ELK3: variants seen among roughly 807,000 people sequenced by gnomAD.
ELK3 encodes the protein ETS transcription factor ELK3.
In ELK3, 10 loss-of-function variants were observed where a neutral mutation model predicts 28.9. The observed-to-expected ratio is 0.35, with a 90% CI of 0.21 to 0.59. ELK3 has a LOEUF of 0.59. Among genes scored for constraint, ELK3 ranks in the 20% least tolerant of loss-of-function variants. The probability of loss-of-function intolerance (pLI) is 0.82; values close to 1 mark genes in which losing one functional copy is unlikely to be tolerated. For synonymous variants in ELK3, 272 were observed against 243.5 expected (o/e 1.12, Z -1.09); for missense variants, 463 against 517.3 (o/e 0.90, Z 1.02).
At chr12:96,213,329 C>A (rs2111989) in intron 1 of ELK3, among the ~76,000 whole-genome samples, 138,172 of 152,198 alleles carry the variant, frequency 0.91, 62,785 homozygotes, top group East Asian at 1. Flanking sequence ...CAAACTCTAT[C>A]CCAGGAATCT....
intron 2 of ELK3, 58 bp downstream of exon 2, chr12:96,223,831 G>A: frequency 6.5e-7 from 1 of 1,529,188 alleles, no homozygotes; most frequent in Non-Finnish European, 9.0e-7. Context: ...CCTCTGCGTA[G>A]TTCACTGATG....
chr12:96,230,977 C>T (rs138717033), intron 2 of ELK3, among the ~76,000 whole-genome samples: 312 of 152,262 alleles, frequency 2.0e-3, no homozygotes, highest in African/African-American at 7.1e-3. Flanking sequence ...TTTTGCAACC[C>T]GGGTATGGAT....
At chr12:96,226,579 C>T (rs1951702631) in intron 2 of ELK3, among the ~76,000 whole-genome samples, 1 of 152,062 alleles carries the variant, frequency 6.6e-6, no homozygotes, top group Non-Finnish European at 1.5e-5. Flanking sequence ...CACATGCACA[C>T]ACAGATGTCC....
rs745607623 is a variant in ELK3, at chr12:96,247,037, G to T, written c.305G>T (p.Arg102Leu). Residue 102 changes from arginine (R) to leucine (L), a missense_variant, in exon 3 of 5, where the codon CGG becomes CTG. Arg to Leu is a moderately radical substitution (Grantham distance 102). Around this residue, in one of 2 missense-constraint regions of ELK3, gnomAD observed 408 missense variants for 414.8 expected, o/e 0.98. Coordinates refer to ENST00000228741, the MANE Select transcript of ELK3 (RefSeq NM_005230.4). This position sits in a 1 kb window ranked among gnomAD's most constrained non-coding sequence, Gnocchi z 5.5. ...GATCCTCACGCGGTGGAGATCAGCC[G>T]GGAGAGCCTTCTGCTGCAGGACAGC... The part of the protein sequence containing the change: ...KMDPHAVEIS[R>L]ESLLLQDSDC... 3.1e-6 allele frequency: 5 copies of T among 1,614,014 alleles called. No individual in the cohort carries two copies. The Admixed American group carries it at 8.3e-5, about 27-fold the overall frequency.
intron 1 of ELK3, among the ~76,000 whole-genome samples, chr12:96,211,687 A>G (rs962945007): frequency 5.9e-5 from 9 of 152,190 alleles, no homozygotes; most frequent in African/African-American, 1.9e-4. Flanking sequence ...ATTTATAATG[A>G]AATATGATTG....
At chr12:96,197,079 T>A (rs1357038607) in intron 1 of ELK3, among the ~76,000 whole-genome samples, 2 of 152,170 alleles carry the variant, frequency 1.3e-5, no homozygotes, top group African/African-American at 4.8e-5. Flanking sequence ...CGAGATCTCA[T>A]ACATTTTGCA....
chr12:96,224,220 T>C (rs1951683207), intron 2 of ELK3, among the ~76,000 whole-genome samples: 1 of 152,198 alleles, frequency 6.6e-6, no homozygotes, highest in Non-Finnish European at 1.5e-5. Context: ...TATCCTCGTT[T>C]ATAAAACAGG....
chr12:96,227,263 C>T (rs1951709490), intron 2 of ELK3, among the ~76,000 whole-genome samples: 1 of 152,006 alleles, frequency 6.6e-6, no homozygotes, highest in African/African-American at 2.4e-5. Flanking sequence ...TCCTCCTCTT[C>T]CTCACTAACA....
intron 2 of ELK3, among the ~76,000 whole-genome samples, chr12:96,232,306 C>T (rs890925455): frequency 2.0e-5 from 3 of 152,162 alleles, no homozygotes; most frequent in Non-Finnish European, 4.4e-5. Flanking sequence ...TGCGGTGGCT[C>T]ACGCCTGCAA....
At chr12:96,197,351 AATG>A (rs1951478232) in intron 1 of ELK3, among the ~76,000 whole-genome samples, 1 of 152,206 alleles carries the variant, frequency 6.6e-6, no homozygotes, top group Non-Finnish European at 1.5e-5. Flanking sequence ...ACCAGTCAAC[AATG>A]CACAAGAAAG....
At chr12:96,217,349 A>G (rs1343267876) in intron 1 of ELK3, among the ~76,000 whole-genome samples, 1 of 152,240 alleles carries the variant, frequency 6.6e-6, no homozygotes, top group Non-Finnish European at 1.5e-5. Flanking sequence ...GGTATTTTAC[A>G]ACGTTGTTGA....
chr12:96,233,346 G>A (rs1012988391), intron 2 of ELK3, among the ~76,000 whole-genome samples: 3 of 152,020 alleles, frequency 2.0e-5, no homozygotes, highest in Non-Finnish European at 4.4e-5. Context: ...ATTCAACCCC[G>A]GGGGAGGCTG....
chr12:96,210,561 G>GCACACACACACACACACACACACACA (rs368183390), intron 1 of ELK3, among the ~76,000 whole-genome samples: 10 of 144,846 alleles, frequency 6.9e-5, no homozygotes, highest in East Asian at 2.1e-4. Context: ...GCGCGCGGGC[G>GCACACACACACACACACACACACACA]CACGCACACA....
intron 4 of ELK3, among the ~76,000 whole-genome samples, chr12:96,264,965 G>C (rs758298747): frequency 6.6e-6 from 1 of 152,148 alleles, no homozygotes; most frequent in Non-Finnish European, 1.5e-5. Context: ...TAACACACTC[G>C]TAAGTGGTGG....
At chr12:96,199,273 A>ATTTGT (rs1951493109) in intron 1 of ELK3, among the ~76,000 whole-genome samples, 5 of 152,210 alleles carry the variant, frequency 3.3e-5, no homozygotes, top group African/African-American at 1.2e-4. Flanking sequence ...TGTACATTTT[A>ATTTGT]ACAACTCCTA....
intron 2 of ELK3, among the ~76,000 whole-genome samples, chr12:96,245,003 G>A (rs141441631): frequency 0.01 from 1,531 of 152,236 alleles, 47 homozygotes; most frequent in Admixed American, 0.061. Flanking sequence ...AGTTGCAGGT[G>A]GGAGCTCCAG....
chr12:96,207,127 C>T (rs931851102), intron 1 of ELK3, among the ~76,000 whole-genome samples: 1 of 152,186 alleles, frequency 6.6e-6, no homozygotes, highest in Non-Finnish European at 1.5e-5. Context: ...GTCTACAAGT[C>T]GGGTTTGGTT....
intron 1 of ELK3, among the ~76,000 whole-genome samples, chr12:96,213,527 C>T (rs1385206228): frequency 1.3e-5 from 2 of 152,100 alleles, no homozygotes; most frequent in African/African-American, 2.4e-5. Flanking sequence ...GGTTGTAAGA[C>T]ATTTTCTCAG....
chr12:96,206,826 C>T (rs1592669741), intron 1 of ELK3, among the ~76,000 whole-genome samples: 1 of 152,202 alleles, frequency 6.6e-6, no homozygotes, highest in East Asian at 1.9e-4. Flanking sequence ...ATGCCACCAA[C>T]AGCCAGTCTC....
Sources: allele counts gnomAD v4.1 joint callset (sites outside exome capture counted in the v4.1 genomes callset), GRCh38; gene constraint gnomAD v4.1.1; regional missense constraint gnomAD v4.1.1; non-coding constraint Gnocchi (gnomAD v3.1); transcripts MANE v1.5; gene names NCBI Gene and HGNC (gene_info 2026-07-23, HGNC 2026-07-21).